The following CENPE variants were observed in gnomAD, a reference collection of about 807,000 sequenced individuals.
CENPE encodes the protein centromere protein E.
A neutral mutation model predicts 336.1 loss-of-function variants in CENPE; 145 were observed. The ratio of observed to expected loss-of-function variants is 0.43; its 90% CI spans 0.38 to 0.50. The LOEUF is 0.50. Among genes scored for constraint, CENPE ranks in the 20% least tolerant of loss-of-function variants. The pLI, the probability that CENPE is intolerant of heterozygous loss-of-function variation, is 0.00. For missense variants in CENPE, 2,719 were observed against 3,023.3 expected (o/e 0.90, Z 2.36); for synonymous variants, 1,013 against 984.8 (o/e 1.03, Z -0.54).
intron 24 of CENPE, among the ~76,000 whole-genome samples, chr4:103,157,802 T>C (rs1754083243): frequency 6.6e-6 from 1 of 151,980 alleles, no homozygotes; most frequent in African/African-American, 2.4e-5. Context: ...TACAAAAGAT[T>C]ATTTCACCAG....
intron 24 of CENPE, among the ~76,000 whole-genome samples, chr4:103,154,071 G>C (rs913820350): frequency 6.6e-6 from 1 of 152,020 alleles, no homozygotes; most frequent in African/African-American, 2.4e-5. Context: ...TACTATTGCT[G>C]GTACAAATTT....
At chr4:103,132,960 T>TA (rs1751723895) in intron 41 of CENPE, 64 bp from the exon 42 acceptor site, 56 of 148,210 alleles carry the variant, frequency 3.8e-4, no homozygotes, top group African/African-American at 1.9e-3. Context: ...AATATTTTAT[T>TA]TATATATATA....
chr4:103,120,002 C>T (rs914219191), intron 44 of CENPE, 146 bp downstream of exon 44: 7 of 537,036 alleles, frequency 1.3e-5, no homozygotes, highest in Non-Finnish European at 2.3e-5. Context: ...AGTTAAGCTG[C>T]TTCTGCTTGA....
chr4:103,145,819 T>C lies in CENPE; in HGVS notation c.4413+10A>G. On this transcript the variant is annotated intron_variant, in intron 30 of 48. Coordinates refer to ENST00000265148, the MANE Select transcript of CENPE (RefSeq NM_001813.3). ...TATTTTTTAAAAACATGGTGAAAGA[T>C]GAAACCTACTTTAGCTACAATTTCT... is the stretch of plus-strand genomic sequence containing the variant. 6.3e-7 allele frequency: 1 copy of C among 1,578,408 alleles called. No homozygotes were observed. The highest frequency in any genetic ancestry group is 8.6e-7 in the Non-Finnish European group (1 of 1,168,218).
At chr4:103,147,229 T>C (rs1273083099) in intron 29 of CENPE, 127 bp downstream of exon 29, 2 of 758,596 alleles carry the variant, frequency 2.6e-6, no homozygotes, top group Non-Finnish European at 4.1e-6. Context: ...TCTAGTCATT[T>C]CATGATTAAG....
chr4:103,196,535 A>T (rs557909336), intron 2 of CENPE, among the ~76,000 whole-genome samples: 11 of 152,350 alleles, frequency 7.2e-5, no homozygotes, highest in African/African-American at 2.6e-4. Context: ...GGGGTCTGGA[A>T]TCTACCTAGA....
chr4:103,195,043 A>C (rs577391327), intron 5 of CENPE, 71 bp downstream of exon 5: 1 of 1,336,136 alleles, frequency 7.5e-7, no homozygotes, highest in Non-Finnish European at 1.0e-6. Context: ...TAGAAATTAA[A>C]GGTAAACATT....
At chr4:103,160,977 A>C in intron 20 of CENPE, 109 bp downstream of exon 20, 1 of 1,052,908 alleles carries the variant, frequency 9.5e-7, no homozygotes, top group South Asian at 1.8e-5. Flanking sequence ...GTTTTTAAAA[A>C]GTCAGAGTAT....
chr4:103,143,091 T>C (rs1311205253), intron 34 of CENPE, among the ~76,000 whole-genome samples, 157 bp downstream of exon 34: 3 of 151,842 alleles, frequency 2.0e-5, no homozygotes, highest in Non-Finnish European at 4.4e-5. Context: ...AAGTTAGGAT[T>C]ATCAGTAGAT....
intron 42 of CENPE, among the ~76,000 whole-genome samples, chr4:103,127,083 A>G (rs938570167): frequency 4.6e-5 from 7 of 150,686 alleles, no homozygotes; most frequent in Non-Finnish European, 7.4e-5. Flanking sequence ...TCATAATGCT[A>G]AACGGGACAA....
Position 103,160,538 on chromosome 4 carries a change from A to T in CENPE, c.2286+87T>A, listed in dbSNP as rs1754350879. ...GTATCTCTCTTGTCTGCTAGTTTAAAATAAACTATACCAAAATATTTAAGG... is the reference window on the plus strand; with the variant it reads ...GTATCTCTCTTGTCTGCTAGTTTAATATAAACTATACCAAAATATTTAAGG... On this transcript the variant is annotated intron_variant, in intron 21 of 48. Coordinates refer to ENST00000265148, the MANE Select transcript of CENPE (RefSeq NM_001813.3). 3 of 1,147,232 alleles carry T rather than the reference A, an allele frequency of 2.6e-6. No homozygotes were observed. The Admixed American group carries it at 7.6e-5, about 29-fold the overall frequency. 71.1% of individuals were successfully genotyped at this position (1,147,232 alleles called of 1,614,324 possible).
intron 40 of CENPE, among the ~76,000 whole-genome samples, chr4:103,135,004 T>C (rs1751945953): frequency 6.6e-6 from 1 of 152,236 alleles, no homozygotes; most frequent in African/African-American, 2.4e-5. Context: ...CATAACTTCA[T>C]CTTTGACATA....
intron 9 of CENPE, 23 bp from the exon 10 acceptor site, chr4:103,183,311 AAAACT>A: frequency 4.4e-6 from 7 of 1,580,074 alleles, no homozygotes; most frequent in Non-Finnish European, 6.1e-6. Flanking sequence ...AACAAATATG[AAAACT>A]AAACTTGACT....
Position 103,159,132 on chromosome 4 carries a change from T to C in CENPE, c.2479A>G (p.Met827Val), listed in dbSNP as rs1180836527. The stretch of plus-strand genomic sequence containing the variant: ...ATCTTATACTTTTGCTCAAAGTCCA[T>C]ATGAAGGGTTTTGAAATTTTGGAAT... ...QEFQNFKTLH[M>V]DFEQKYKMVL... is the part of the protein sequence containing the mutation. The change falls in exon 22 of 49, where the codon ATG (methionine) becomes GTG (valine). Residue 827 changes from methionine (M) to valine (V), a missense_variant. Physicochemically the swap from Met to Val is conservative, Grantham distance 21. Coordinates refer to ENST00000265148, the MANE Select transcript of CENPE (RefSeq NM_001813.3). 5.0e-6 allele frequency: 8 copies of C among 1,609,388 alleles called. No homozygotes were observed. Among genetic ancestry groups the C allele is most frequent in the South Asian group, 4.4e-5 (4 of 90,164 alleles).
chr4:103,185,956 G>T, intron 8 of CENPE, 95 bp from the exon 9 acceptor site: 1 of 776,540 alleles, frequency 1.3e-6, no homozygotes, highest in Non-Finnish European at 2.2e-6. Context: ...TGGTATATCT[G>T]AATATTCGAT....
intron 29 of CENPE, among the ~76,000 whole-genome samples, chr4:103,146,961 A>G (rs1753107101): frequency 6.6e-6 from 1 of 152,212 alleles, no homozygotes; most frequent in African/African-American, 2.4e-5. Context: ...AGAAGGAGGC[A>G]TATTAGTAGG....
At position 103,196,835 on chromosome 4, in the gene CENPE, T is replaced by C. The variant is rs758065753; in HGVS notation, c.72A>G (p.Gly24=). ...TTTTCCAGTAAACTTGGGCAGTTTC[T>C]CCAAGTGATTCTTCTCTAAAAGAAT... ...RPLNSREESL[G]ETAQVYWKTD... is the part of the protein sequence containing the mutation. Residue 24 remains glycine (G), a synonymous_variant, in exon 2 of 49, where the codon GGA becomes GGG. Coordinates refer to ENST00000265148, the MANE Select transcript of CENPE (RefSeq NM_001813.3). 5 of 1,555,094 alleles carry C rather than the reference T, an allele frequency of 3.2e-6. No individual in the cohort carries two copies. In the Admixed American group the frequency reaches 6.8e-5, roughly 21 times the overall value.
rs113139664 is a variant in CENPE at position 103,192,508 on chromosome 4, T to C, written c.693+1721A>G. ...AAAGACAAGGGTCATGGAGACAAGG[T>C]TCCAGGAGACTGACATAGTAATTCA... On this transcript the variant is annotated intron_variant, in intron 8 of 48. Coordinates refer to ENST00000265148, the MANE Select transcript of CENPE (RefSeq NM_001813.3). Among the ~76,000 whole-genome samples, 254 of 152,326 alleles carry C rather than the reference T, an allele frequency of 1.7e-3. 3 individuals carry two copies. The highest frequency in any genetic ancestry group is 5.7e-3 in the African/African-American group (238 of 41,560).
chr4:103,173,631 A>AATATTTG (rs1755610626), intron 16 of CENPE, among the ~76,000 whole-genome samples: 1 of 106,826 alleles, frequency 9.4e-6, no homozygotes, highest in Non-Finnish European at 2.3e-5. Context: ...TGCAAAATAT[A>AATATTTG]CATCTGACAC....
Sources: gnomAD v4.1 joint callset for allele counts (sites outside exome capture counted in the v4.1 genomes callset) on GRCh38, gnomAD v4.1.1 for gene constraint, MANE v1.5 for transcripts, NCBI Gene and HGNC (gene_info 2026-07-23, HGNC 2026-07-21) for gene names.